The following DTL variants were observed in gnomAD, a reference collection of about 807,000 sequenced individuals.
DTL encodes denticleless protein homolog.
In DTL, 46 loss-of-function variants were observed where a neutral mutation model predicts 87.0. The ratio of observed to expected loss-of-function variants is 0.53; its 90% CI spans 0.42 to 0.68. The LOEUF is 0.68. DTL is among the 30% of genes least tolerant of loss of function. DTL has a pLI of 0.00. For missense variants in DTL, 737 were observed against 869.4 expected (o/e 0.85, Z 1.91); for synonymous variants, 308 against 311.2 (o/e 0.99, Z 0.11).
chr1:212,061,498 C>CAAAA (rs150226369), intron 5 of DTL, among the ~76,000 whole-genome samples: 1 of 144,020 alleles, frequency 6.9e-6, no homozygotes, highest in African/African-American at 2.6e-5. Context: ...TAAGATTTCT[C>CAAAA]AAAAAAAAAA....
chr1:212,078,100 T>C, intron 11 of DTL, 73 bp from the exon 12 acceptor site: 3 of 917,708 alleles, frequency 3.3e-6, no homozygotes, highest in Admixed American at 3.7e-5. Flanking sequence ...TAAGACACAC[T>C]TCTGAATTCA....
intron 5 of DTL, among the ~76,000 whole-genome samples, chr1:212,060,917 C>T (rs1005933498): frequency 2.6e-5 from 4 of 151,922 alleles, no homozygotes; most frequent in African/African-American, 9.7e-5. Context: ...CTAGACTATA[C>T]TAAACTAAAA....
chr1:212,052,481 AC>A (rs1668017030), intron 5 of DTL, among the ~76,000 whole-genome samples: 2 of 152,038 alleles, frequency 1.3e-5, no homozygotes, highest in Admixed American at 6.5e-5. Context: ...TACTAAAAAT[AC>A]AAAAATTAGC....
chr1:212,101,879 A>G (rs954956324), intron 14 of DTL, among the ~76,000 whole-genome samples: 2 of 152,194 alleles, frequency 1.3e-5, no homozygotes, highest in African/African-American at 2.4e-5. Flanking sequence ...GCATTGGGTG[A>G]GCTATGGGCA....
chr1:212,090,767 GA>G (rs1655257354), intron 13 of DTL, among the ~76,000 whole-genome samples: 2 of 152,190 alleles, frequency 1.3e-5, no homozygotes, highest in Non-Finnish European at 2.9e-5. Context: ...AATAAAGTGG[GA>G]AGCCATGTGA....
At chr1:212,069,373 A>G (rs1654601653) in intron 10 of DTL, among the ~76,000 whole-genome samples, 1 of 152,110 alleles carries the variant, frequency 6.6e-6, no homozygotes, top group Non-Finnish European at 1.5e-5. Context: ...CTTAAGCAAC[A>G]TCTTAGTAGC....
At chr1:212,065,369 A>G (rs1265310397) in intron 7 of DTL, among the ~76,000 whole-genome samples, 2 of 152,130 alleles carry the variant, frequency 1.3e-5, no homozygotes, top group Admixed American at 6.5e-5. Flanking sequence ...TACAATTTCA[A>G]TATCTACATT....
intron 10 of DTL, among the ~76,000 whole-genome samples, chr1:212,070,305 A>G (rs1025818440): frequency 4.6e-5 from 7 of 152,124 alleles, no homozygotes; most frequent in Admixed American, 1.3e-4. Flanking sequence ...AGATAGGTTA[A>G]TAGATCGATT....
chr1:212,041,681 T>TA (rs1200286924), intron 1 of DTL, among the ~76,000 whole-genome samples: 3 of 151,930 alleles, frequency 2.0e-5, no homozygotes, highest in East Asian at 1.9e-4. Context: ...ATTTTTTTTT[T>TA]ATGTATTTTT....
At chr1:212,055,318 C>T (rs917275014) in intron 5 of DTL, among the ~76,000 whole-genome samples, 1 of 152,084 alleles carries the variant, frequency 6.6e-6, no homozygotes, top group Non-Finnish European at 1.5e-5. Flanking sequence ...CCCCTTGATG[C>T]TCACGGACCC....
At chr1:212,042,972 T>G in intron 1 of DTL, 21 bp from the exon 2 acceptor site, 1 of 1,576,998 alleles carries the variant, frequency 6.3e-7, no homozygotes, top group Non-Finnish European at 8.6e-7. Flanking sequence ...TGGAATTCTA[T>G]AAGGAATTAT....
intron 5 of DTL, chr1:212,051,439 A>ATTCTTTTTT (rs1571946114): frequency 3.5e-6 from 1 of 289,768 alleles, no homozygotes; most frequent in Non-Finnish European, 5.7e-6. Flanking sequence ...TGGATATGAA[A>ATTCTTTTTT]TTCTTTTTTT....
chr1:212,086,587 G>C (rs1023063127), intron 13 of DTL, among the ~76,000 whole-genome samples: 1 of 109,734 alleles, frequency 9.1e-6, no homozygotes, highest in East Asian at 2.7e-4. Context: ...ATGGGGTTTC[G>C]CCATGTTGCC....
chr1:212,047,007 CATT>C, intron 3 of DTL, 141 bp from the exon 4 acceptor site: 1 of 694,692 alleles, frequency 1.4e-6, no homozygotes. Context: ...AATGATATCT[CATT>C]GTGGTTTTGA....
Position 212,064,909 on chromosome 1 carries a change from T to C in DTL, c.527-8T>C. On this transcript the variant is annotated splice_polypyrimidine_tract_variant and splice_region_variant and intron_variant, in intron 6 of 14. Transcript: ENST00000366991. ...CTGAAACCTAAATTTCCTTGGAATA[T>C]CTTTCAGATGGGTTTTATAGGCAAG... 6.2e-7 allele frequency: 1 copy of C among 1,607,944 alleles called. No individual in the cohort carries two copies. The highest frequency in any genetic ancestry group is 1.1e-5 in the South Asian group (1 of 90,952).
At chr1:212,069,513 A>G (rs76942905) in intron 10 of DTL, among the ~76,000 whole-genome samples, 160 of 151,846 alleles carry the variant, frequency 1.1e-3, no homozygotes, top group African/African-American at 3.7e-3. Context: ...AACTTGTTTT[A>G]TTTTATTTAT....
At chr1:212,068,387 AGGCT>A in intron 9 of DTL, 60 bp downstream of exon 9, 2 of 977,748 alleles carry the variant, frequency 2.0e-6, no homozygotes, top group Non-Finnish European at 1.5e-6. Context: ...AAAAAAAAAA[AGGCT>A]AATTTCCAGT....
chr1:212,062,351 C>G (rs983824244), intron 5 of DTL, among the ~76,000 whole-genome samples: 3 of 152,166 alleles, frequency 2.0e-5, no homozygotes, highest in African/African-American at 7.2e-5. Context: ...CCCATTGCAT[C>G]CCAGGCAACC....
At chr1:212,057,437 C>A (rs546582297) in intron 5 of DTL, among the ~76,000 whole-genome samples, 33 of 151,200 alleles carry the variant, frequency 2.2e-4, no homozygotes, top group African/African-American at 7.7e-4. Context: ...GAAATAAAGT[C>A]TTTCCCAAAC....
Sources: allele counts gnomAD v4.1 joint callset (sites outside exome capture counted in the v4.1 genomes callset), GRCh38; gene constraint gnomAD v4.1.1; transcripts MANE v1.5; gene names NCBI Gene and HGNC (gene_info 2026-07-23, HGNC 2026-07-21).